CEP128: variants seen among roughly 807,000 people sequenced by gnomAD.
CEP128 encodes the protein centrosomal protein 128kDa.
Under a neutral mutation model 156.7 loss-of-function variants are expected in CEP128, and 132 were observed. That is an observed-to-expected ratio of 0.84 (90% CI 0.73 to 0.97). CEP128 has a LOEUF of 0.97. CEP128 is among the 50% of genes least tolerant of loss of function. The pLI is 0.00. For synonymous variants in CEP128, 469 were observed against 448.9 expected (o/e 1.04, Z -0.57); for missense variants, 1,252 against 1,281.9 (o/e 0.98, Z 0.36).
At chr14:80,596,528 G>A (rs1487377038) in intron 19 of CEP128, among the ~76,000 whole-genome samples, 1 of 152,114 alleles carries the variant, frequency 6.6e-6, no homozygotes, top group Non-Finnish European at 1.5e-5. Flanking sequence ...AATGAAAACA[G>A]CTAGGCACAG....
At chr14:80,519,954 T>C (rs1888659916) in intron 23 of CEP128, among the ~76,000 whole-genome samples, 1 of 152,170 alleles carries the variant, frequency 6.6e-6, no homozygotes, top group African/African-American at 2.4e-5. Flanking sequence ...ATTCTCAGTC[T>C]CTTGATGTAA....
intron 18 of CEP128, among the ~76,000 whole-genome samples, chr14:80,746,396 G>C (rs944216228): frequency 6.6e-6 from 1 of 152,174 alleles, no homozygotes; most frequent in African/African-American, 2.4e-5. Context: ...CAGATATACA[G>C]ACCGATGGAA....
chr14:80,643,730 T>C (rs566845060), intron 19 of CEP128, among the ~76,000 whole-genome samples: 534 of 39,958 alleles, frequency 0.013, 1 homozygote, highest in Non-Finnish European at 0.018. Flanking sequence ...TGGTGGTACA[T>C]GGAATACACA....
chr14:80,672,852 A>C (rs1895899472), intron 19 of CEP128, among the ~76,000 whole-genome samples: 1 of 152,200 alleles, frequency 6.6e-6, no homozygotes, highest in Non-Finnish European at 1.5e-5. Context: ...AAAAGATAAT[A>C]GTTTTAAGCA....
At chr14:80,693,137 A>T (rs1035833962) in intron 19 of CEP128, among the ~76,000 whole-genome samples, 1 of 152,186 alleles carries the variant, frequency 6.6e-6, no homozygotes, top group South Asian at 2.1e-4. Context: ...CTTTGAAAAA[A>T]GCAGCATCAG....
At chr14:80,701,407 T>C (rs1039296437) in intron 19 of CEP128, among the ~76,000 whole-genome samples, 1 of 152,026 alleles carries the variant, frequency 6.6e-6, no homozygotes, top group African/African-American at 2.4e-5. Flanking sequence ...CTGCCCAAGA[T>C]GAAAGGCAGC....
intron 13 of CEP128, among the ~76,000 whole-genome samples, chr14:80,819,231 G>C (rs1437614359): frequency 6.8e-6 from 1 of 146,822 alleles, no homozygotes; most frequent in Non-Finnish European, 1.5e-5. Context: ...CAGCTCTCTG[G>C]CATCTTCCTT....
intron 19 of CEP128, among the ~76,000 whole-genome samples, chr14:80,716,879 T>C (rs117762333): frequency 0.011 from 1,683 of 152,312 alleles, 12 homozygotes; most frequent in Non-Finnish European, 0.015. Flanking sequence ...TTTCTCTATA[T>C]CTTCGCCAGC....
At chr14:80,749,070 C>T (rs1401125277) in intron 18 of CEP128, among the ~76,000 whole-genome samples, 1 of 152,138 alleles carries the variant, frequency 6.6e-6, no homozygotes, top group African/African-American at 2.4e-5. Context: ...CCACCACAGT[C>T]CCAGTGGTTG....
rs534659262 is a variant in CEP128 at position 80,629,064 on chromosome 14, A to C, written c.2807-48641T>G. 3.0e-3 allele frequency among the ~76,000 whole-genome samples: 456 copies of C among 152,192 alleles called. 2 individuals are homozygous for C. Among genetic ancestry groups the C allele is most frequent in the African/African-American group, 9.6e-3 (400 of 41,540 alleles). On this transcript the variant is annotated intron_variant, in intron 19 of 24. Coordinates refer to ENST00000555265, the MANE Select transcript of CEP128 (RefSeq NM_152446.5). Reference sequence around the variant, plus strand: ...TCAAGCCTGTTTAAGAAAAAAAAAAAAAACAAACGGGTTTAACTCACTTCA... The same window carrying C: ...TCAAGCCTGTTTAAGAAAAAAAAAACAAACAAACGGGTTTAACTCACTTCA...
intron 18 of CEP128, among the ~76,000 whole-genome samples, chr14:80,752,449 T>C (rs912693445): frequency 6.6e-6 from 1 of 152,212 alleles, no homozygotes; most frequent in Non-Finnish European, 1.5e-5. Flanking sequence ...TACATATACT[T>C]TTGCTCAATT....
chr14:80,575,515 G>A (rs939974928), intron 20 of CEP128, among the ~76,000 whole-genome samples: 1 of 152,130 alleles, frequency 6.6e-6, no homozygotes, highest in Non-Finnish European at 1.5e-5. Context: ...CAGGGGGGAA[G>A]GTAAGAGAAA....
chr14:80,600,410 G>T (rs571322170), intron 19 of CEP128, among the ~76,000 whole-genome samples: 36 of 152,156 alleles, frequency 2.4e-4, no homozygotes, highest in Non-Finnish European at 4.9e-4. Flanking sequence ...TTATCACATA[G>T]AAGGGTTTTG....
At chr14:80,629,383 T>C (rs1383636451) in intron 19 of CEP128, among the ~76,000 whole-genome samples, 1 of 152,190 alleles carries the variant, frequency 6.6e-6, no homozygotes, top group African/African-American at 2.4e-5. Context: ...CATTTTCTTT[T>C]CCTTTTTGGA....
At chr14:80,904,598 A>G (rs749534356) in intron 6 of CEP128, among the ~76,000 whole-genome samples, 1 of 152,160 alleles carries the variant, frequency 6.6e-6, no homozygotes, top group Non-Finnish European at 1.5e-5. Flanking sequence ...ATCATATTAT[A>G]CCCCATAAAT....
intron 2 of CEP128, chr14:80,955,653 G>A (rs2139668866): frequency 6.2e-7 from 1 of 1,613,182 alleles, no homozygotes; most frequent in Non-Finnish European, 8.5e-7. Context: ...TTCGGAGGAT[G>A]GAGAAATAGC....
At chr14:80,797,250 CTT>C (rs954717938) in intron 13 of CEP128, among the ~76,000 whole-genome samples, 8 of 152,198 alleles carry the variant, frequency 5.3e-5, no homozygotes, top group Admixed American at 5.2e-4. Flanking sequence ...CAGGCAAACT[CTT>C]TTGTTCTCAC....
intron 19 of CEP128, among the ~76,000 whole-genome samples, chr14:80,610,186 T>C (rs1018054725): frequency 5.3e-5 from 8 of 152,302 alleles, no homozygotes; most frequent in Admixed American, 3.9e-4. Flanking sequence ...AAATGTCTAT[T>C]GGTCAAAACC....
chr14:80,716,895 T>C (rs1252746569), intron 19 of CEP128, among the ~76,000 whole-genome samples: 1 of 152,232 alleles, frequency 6.6e-6, no homozygotes, highest in Non-Finnish European at 1.5e-5. Context: ...CCAGCAGTTG[T>C]TACTATCTTT....
Sources: gnomAD v4.1 joint callset for allele counts (sites outside exome capture counted in the v4.1 genomes callset) on GRCh38, gnomAD v4.1.1 for gene constraint, MANE v1.5 for transcripts, NCBI Gene and HGNC (gene_info 2026-07-23, HGNC 2026-07-21) for gene names.